The following HDAC9 variants were observed in gnomAD, a reference collection of about 807,000 sequenced individuals.
HDAC9 encodes the protein histone deacetylase 9, also known as MEF-2 interacting transcription repressor (MITR) protein.
HDAC9 carries 41 observed loss-of-function variants against 139.4 expected under a neutral mutation model. That is an observed-to-expected ratio of 0.29 (90% CI 0.23 to 0.38). The LOEUF is 0.38. Among genes scored for constraint, HDAC9 ranks in the 10% least tolerant of loss-of-function variants. The pLI is 1.00. For synonymous variants in HDAC9, 517 were observed against 476.2 expected, an observed-to-expected ratio of 1.09 and a Z score of -1.12; for missense variants, 1,147 against 1,297.0, an observed-to-expected ratio of 0.88 and a Z score of 1.78.
chr7:18,149,101 A>C (rs1448797034), intron 1 of HDAC9, among the ~76,000 whole-genome samples: 1 of 152,162 alleles, frequency 6.6e-6, no homozygotes, highest in Non-Finnish European at 1.5e-5. Flanking sequence ...CGTGAGGATT[A>C]TAAGACTTTA....
At chr7:18,547,857 T>TTCCTTCCC (rs1563229989) in intron 2 of HDAC9, among the ~76,000 whole-genome samples, 2 of 118,456 alleles carry the variant, frequency 1.7e-5, no homozygotes, top group African/African-American at 3.9e-5. Flanking sequence ...CCTTCCTTCC[T>TTCCTTCCC]ACCCTCCCTC....
At chr7:18,755,205 A>G (rs1788773855) in intron 14 of HDAC9, among the ~76,000 whole-genome samples, 1 of 152,174 alleles carries the variant, frequency 6.6e-6, no homozygotes, top group South Asian at 2.1e-4. Context: ...GTTCTAAAAG[A>G]TATTTGTATA....
intron 1 of HDAC9, among the ~76,000 whole-genome samples, chr7:18,137,986 T>C (rs1254170557): frequency 2.0e-5 from 3 of 152,052 alleles, no homozygotes; most frequent in African/African-American, 7.2e-5. Flanking sequence ...TTTCAGATCC[T>C]GTTATTGGTC....
chr7:18,611,548 G>A (rs1289731959), intron 6 of HDAC9, among the ~76,000 whole-genome samples: 1 of 152,054 alleles, frequency 6.6e-6, no homozygotes, highest in East Asian at 1.9e-4. Flanking sequence ...CCTAAGGTCT[G>A]ATTTTCTTTA....
At chr7:18,306,580 C>CT (rs1562860256) in intron 1 of HDAC9, among the ~76,000 whole-genome samples, 1 of 152,154 alleles carries the variant, frequency 6.6e-6, no homozygotes, top group East Asian at 1.9e-4. Context: ...CTGAAGCCTT[C>CT]TACACATACT....
chr7:18,332,392 T>A (rs201827296), intron 1 of HDAC9, among the ~76,000 whole-genome samples: 4,874 of 90,348 alleles, frequency 0.054, 94 homozygotes, highest in South Asian at 0.13. Context: ...TGTGTGTGTG[T>A]GAGAGAGAGA....
At chr7:18,577,763 G>A (rs1162860381) in intron 2 of HDAC9, among the ~76,000 whole-genome samples, 1 of 152,264 alleles carries the variant, frequency 6.6e-6, no homozygotes, top group East Asian at 1.9e-4. Flanking sequence ...GAAACTATGT[G>A]TTAAGAGACA....
intron 1 of HDAC9, among the ~76,000 whole-genome samples, chr7:18,314,587 A>G (rs908640170): frequency 2.0e-5 from 3 of 152,098 alleles, no homozygotes; most frequent in Non-Finnish European, 4.4e-5. Context: ...GGATGCTATA[A>G]CCTTCATTGT....
At chr7:18,836,203 C>T in intron 21 of HDAC9, among the ~76,000 whole-genome samples, 1 of 152,126 alleles carries the variant, frequency 6.6e-6, no homozygotes, top group East Asian at 1.9e-4. Context: ...TTTCCCCCTT[C>T]CCTCCCAAAT....
chr7:18,956,207 G>A (rs571929191), intron 24 of HDAC9, among the ~76,000 whole-genome samples: 12 of 152,158 alleles, frequency 7.9e-5, no homozygotes, highest in African/African-American at 2.9e-4. Context: ...TCACTTGTCT[G>A]TGAAATCCAT....
chr7:18,369,637 A>G lies in HDAC9; in HGVS notation c.-42+79122A>G, dbSNP rs150072526. 6.0e-3 allele frequency among the ~76,000 whole-genome samples: 916 copies of G among 152,210 alleles called. 9 individuals carry two copies. Among genetic ancestry groups the G allele is most frequent in the Non-Finnish European group, 6.1e-3 (415 of 67,998 alleles). ...TATAAATGAAATACATTTTCCCTAAATGCTGTGGACTTTGCAGTACAGGAG... is the reference window on the plus strand; with the variant it reads ...TATAAATGAAATACATTTTCCCTAAGTGCTGTGGACTTTGCAGTACAGGAG... On this transcript the variant is annotated intron_variant, in intron 1 of 3. Coordinates refer to the HDAC9 transcript ENST00000413509.
chr7:18,846,886 T>C (rs1796943119), intron 21 of HDAC9, among the ~76,000 whole-genome samples: 1 of 152,180 alleles, frequency 6.6e-6, no homozygotes, highest in Non-Finnish European at 1.5e-5. Context: ...ACAGATAAGA[T>C]AATTGGCTCT....
intron 1 of HDAC9, among the ~76,000 whole-genome samples, chr7:18,107,335 T>C (rs1441322484): frequency 6.6e-6 from 1 of 152,204 alleles, no homozygotes; most frequent in Non-Finnish European, 1.5e-5. Flanking sequence ...TAATTCTCCA[T>C]AGAAAGTGTT....
chr7:18,201,186 T>C (rs559079339), intron 2 of HDAC9, among the ~76,000 whole-genome samples: 1 of 152,252 alleles, frequency 6.6e-6, no homozygotes, highest in Admixed American at 6.5e-5. Context: ...CAGTCTCAGA[T>C]TTTGTACCTC....
intron 2 of HDAC9, among the ~76,000 whole-genome samples, chr7:18,178,461 G>A (rs1443269747): frequency 6.6e-6 from 1 of 152,194 alleles, no homozygotes; most frequent in East Asian, 1.9e-4. Context: ...TGCAAGACTT[G>A]TGGTTTCATA....
At chr7:18,955,179 TG>T (rs1470697753) in intron 24 of HDAC9, among the ~76,000 whole-genome samples, 1 of 152,076 alleles carries the variant, frequency 6.6e-6, no homozygotes, top group African/African-American at 2.4e-5. Context: ...AATGCTGGGG[TG>T]CACTATTCAA....
intron 21 of HDAC9, among the ~76,000 whole-genome samples, chr7:18,859,305 T>A (rs1343265761): frequency 6.6e-6 from 1 of 152,150 alleles, no homozygotes; most frequent in East Asian, 1.9e-4. Context: ...ATAAACTATT[T>A]TTTTAGTTTT....
intron 1 of HDAC9, among the ~76,000 whole-genome samples, chr7:18,117,494 A>C (rs1396075581): frequency 6.8e-6 from 1 of 146,580 alleles, no homozygotes; most frequent in Non-Finnish European, 1.5e-5. Flanking sequence ...TCAAAAAATA[A>C]AATAAAAAAT....
At chr7:18,585,169 A>C in intron 2 of HDAC9, 112 bp from the exon 3 acceptor site, 1 of 1,189,110 alleles carries the variant, frequency 8.4e-7, no homozygotes, top group Non-Finnish European at 1.2e-6. Flanking sequence ...CATTGGCATA[A>C]AATTTGTTGT....
Sources: allele counts gnomAD v4.1 joint callset (sites outside exome capture counted in the v4.1 genomes callset), GRCh38; gene constraint gnomAD v4.1.1; transcripts MANE v1.5; gene names NCBI Gene and HGNC (gene_info 2026-07-23, HGNC 2026-07-21).